NCOR1: variants seen among roughly 807,000 people sequenced by gnomAD.
NCOR1 encodes the protein nuclear receptor corepressor 1, also known as protein phosphatase 1, regulatory subunit 109.
NCOR1 carries 63 observed loss-of-function variants against 288.1 expected under a neutral mutation model. The observed-to-expected ratio is 0.22, with a 90% confidence interval of 0.18 to 0.27. The LOEUF (loss-of-function observed/expected upper bound fraction) is 0.27. Among genes scored for constraint, NCOR1 ranks in the 10% least tolerant of loss-of-function variants. The pLI, the probability that NCOR1 is intolerant of heterozygous loss-of-function variation, is 1.00. For synonymous variants in NCOR1, 1,007 were observed against 1,065.9 expected (o/e 0.94, Z 1.08); for missense variants, 2,397 against 3,019.2 (o/e 0.79, Z 4.83).
intron 3 of NCOR1, among the ~76,000 whole-genome samples, chr17:16,177,340 C>T (rs2084401356): frequency 6.6e-6 from 1 of 150,566 alleles, no homozygotes; most frequent in Admixed American, 6.6e-5. Flanking sequence ...ACGAGGCATG[C>T]TCTTTATGTT....
intron 4 of NCOR1, among the ~76,000 whole-genome samples, chr17:16,167,859 CAAAAAAAA>C (rs71299856): frequency 1.6e-5 from 1 of 62,642 alleles, no homozygotes; most frequent in Non-Finnish European, 2.9e-5. Context: ...GACTCCATCT[CAAAAAAAA>C]AAAAAAAAAA....
intron 42 of NCOR1, among the ~76,000 whole-genome samples, chr17:16,042,025 T>C (rs760461108): frequency 9.9e-4 from 151 of 152,270 alleles, no homozygotes; most frequent in Middle Eastern, 3.4e-3. Flanking sequence ...TGAGCCACCG[T>C]GCCCGGCCAG....
At chr17:16,181,211 A>ATGTATGTGTGTGTGTG (rs758395387) in intron 3 of NCOR1, among the ~76,000 whole-genome samples, 23 of 139,580 alleles carry the variant, frequency 1.6e-4, no homozygotes, top group East Asian at 9.0e-4. Flanking sequence ...ATATATATGT[A>ATGTATGTGTGTGTGTG]TGTGTGTGTG....
Position 16,080,732 on chromosome 17 carries a change from G to T in NCOR1, c.3178-5C>A. 5 of 1,568,902 alleles carry T rather than the reference G, an allele frequency of 3.2e-6. No individual in the cohort carries two copies. The highest frequency in any genetic ancestry group is 4.3e-6 in the Non-Finnish European group (5 of 1,161,304). On this transcript the variant is annotated splice_region_variant and splice_polypyrimidine_tract_variant and intron_variant, in intron 23 of 45. Coordinates refer to ENST00000268712, the MANE Select transcript of NCOR1 (RefSeq NM_006311.4). ...CAAATAAGTGCCTGGTGTTCCCTAAGAAAAAAACAAAAAAAAATTTAAAGA... is the reference window on the plus strand; with the variant it reads ...CAAATAAGTGCCTGGTGTTCCCTAATAAAAAAACAAAAAAAAATTTAAAGA...
intron 32 of NCOR1, among the ~76,000 whole-genome samples, chr17:16,066,824 C>T (rs1462994267): frequency 2.0e-5 from 3 of 152,102 alleles, no homozygotes; most frequent in Admixed American, 6.5e-5. Flanking sequence ...ATGTAAATAA[C>T]CCTTAGAATT....
At chr17:16,180,901 G>T (rs189131445) in intron 3 of NCOR1, among the ~76,000 whole-genome samples, 1 of 151,628 alleles carries the variant, frequency 6.6e-6, no homozygotes, top group East Asian at 2.0e-4. Context: ...GCTCACTCCT[G>T]TAATCCCAGC....
rs147823974 is a variant in NCOR1, at chr17:16,045,658, G to A, written c.6679+1293C>T. ...TGAGTAGCTGGGATTACAGGTGCAC[G>A]CCACCATGACCAGCTGTTTATATTT... On this transcript the variant is annotated intron_variant, in intron 42 of 45. Transcript: ENST00000268712. Among the ~76,000 whole-genome samples, 823 of 151,916 alleles carry A rather than the reference G, an allele frequency of 5.4e-3. 6 individuals carry two copies. The highest frequency in any genetic ancestry group is 0.019 in the African/African-American group (781 of 41,404).
At chr17:16,068,426 C>A (rs1318709723) in intron 31 of NCOR1, 2 of 286,526 alleles carry the variant, frequency 7.0e-6, no homozygotes, top group East Asian at 1.8e-4. Flanking sequence ...CATTATGAAT[C>A]ATTTTGTTTT....
chr17:16,029,627 A>G lies in NCOR1; in HGVS notation c.*2669T>C, dbSNP rs113694459. On this transcript the variant is annotated 3_prime_UTR_variant, in exon 46 of 46. Coordinates refer to ENST00000268712, the MANE Select transcript of NCOR1 (RefSeq NM_006311.4). Reference sequence around the variant, plus strand: ...TCAGAACACTGAAATCTAAGTCTACAAAGAATATCATGTTTTGGTTTGCAG... The same window carrying G: ...TCAGAACACTGAAATCTAAGTCTACGAAGAATATCATGTTTTGGTTTGCAG... 5 of 174,512 alleles carry G rather than the reference A, an allele frequency of 2.9e-5. No individual in the cohort carries two copies. The highest frequency in any genetic ancestry group is 1.2e-4 in the African/African-American group (5 of 41,696). The allele number at this position is 174,512 out of a possible 1,614,324, so 10.8% of individuals were successfully genotyped here.
chr17:16,140,387 G>C (rs2076979100), intron 11 of NCOR1, among the ~76,000 whole-genome samples: 2 of 152,214 alleles, frequency 1.3e-5, no homozygotes. Context: ...AAAATTGCTG[G>C]GCACAGTGGC....
At chr17:16,126,582 A>G (rs747216454) in intron 14 of NCOR1, among the ~76,000 whole-genome samples, 9 of 152,162 alleles carry the variant, frequency 5.9e-5, no homozygotes, top group South Asian at 2.1e-4. Flanking sequence ...TTAGATACTT[A>G]ATATGTTTCC....
chr17:16,196,862 A>C (rs2089937117), intron 1 of NCOR1, among the ~76,000 whole-genome samples: 1 of 151,154 alleles, frequency 6.6e-6, no homozygotes, highest in African/African-American at 2.4e-5. Flanking sequence ...AAAAAGAAAA[A>C]AATAATTAGT....
At chr17:16,048,694 G>C in intron 41 of NCOR1, 151 bp downstream of exon 41, 8 of 657,722 alleles carry the variant, frequency 1.2e-5, no homozygotes, top group Non-Finnish European at 1.8e-5. Flanking sequence ...ACTAGCATTA[G>C]ATGAGTAGGA....
At position 16,057,697 on chromosome 17, in the gene NCOR1, G is replaced by A. The variant is rs142717545; in HGVS notation, c.6209C>T (p.Ser2070Leu). The A allele has an allele frequency of 1.2e-5, 19 of 1,613,886 alleles. No individual in the cohort carries two copies. The African/African-American group carries it at 2.1e-4, about 18-fold the overall frequency. The change falls in exon 40 of 46, where the codon TCG (serine) becomes TTG (leucine). Residue 2070 changes from serine to leucine, a missense_variant. Ser to Leu is a moderately radical substitution (Grantham distance 145). Transcript: ENST00000268712. ...AGTAGGAGGCTGCTGGGGAGTCTGC[G>A]AGGAAACTTGATTTCTAGCAAAATC... Reference protein sequence around the residue: ...TQDFARNQVSSQTPQQPPTST... With the variant: ...TQDFARNQVSLQTPQQPPTST...
At chr17:16,184,767 T>C (rs1012743926) in intron 3 of NCOR1, among the ~76,000 whole-genome samples, 1 of 152,144 alleles carries the variant, frequency 6.6e-6, no homozygotes, top group Non-Finnish European at 1.5e-5. Flanking sequence ...TGCACTCCCA[T>C]GTTATTGCAG....
At chr17:16,127,058 T>C (rs1216008082) in intron 14 of NCOR1, among the ~76,000 whole-genome samples, 1 of 151,944 alleles carries the variant, frequency 6.6e-6, no homozygotes, top group South Asian at 2.1e-4. Context: ...TTACTGTTAA[T>C]TCCTTACTGT....
In NCOR1 at chr17:16,071,410, T is replaced by G. The variant is rs2061750753; in HGVS notation, c.4151A>C (p.Gln1384Pro). The G allele has an allele frequency of 5.0e-6, 8 of 1,606,962 alleles. No individual in the cohort carries two copies. Among genetic ancestry groups the G allele is most frequent in the Non-Finnish European group, 6.8e-6 (8 of 1,176,504 alleles). Residue 1384 changes from glutamine to proline, a missense_variant and splice_region_variant, in exon 30 of 46, where the codon CAG becomes CCG. By Grantham distance (76) the Gln-to-Pro change is moderately conservative. Around this residue, in one of 11 missense-constraint regions of NCOR1, gnomAD observed 1,872 missense variants for 2,187.8 expected, o/e 0.86. Coordinates refer to ENST00000268712, the MANE Select transcript of NCOR1 (RefSeq NM_006311.4). ...TRPIIEGSISQGTPIKFDNNS... is the reference protein window; with the variant it reads ...TRPIIEGSISPGTPIKFDNNS... ...CAAAAAGAGCCAAAACTTAGTTACCTGGGAAATGGAACCCTCAATTATCGG... is the reference window on the plus strand; with the variant it reads ...CAAAAAGAGCCAAAACTTAGTTACCGGGGAAATGGAACCCTCAATTATCGG...
At chr17:16,145,435 C>A (rs2077767407) in intron 10 of NCOR1, among the ~76,000 whole-genome samples, 1 of 125,478 alleles carries the variant, frequency 8.0e-6, no homozygotes, top group Non-Finnish European at 2.0e-5. Context: ...CCCGGCCGCC[C>A]ATCGTCTGGG....
intron 16 of NCOR1, among the ~76,000 whole-genome samples, chr17:16,120,152 C>T (rs1408063148): frequency 6.6e-6 from 1 of 152,142 alleles, no homozygotes; most frequent in East Asian, 1.9e-4. Flanking sequence ...CCATTTACCA[C>T]TCACATCCAA....
Sources: gnomAD v4.1 joint callset for allele counts (sites outside exome capture counted in the v4.1 genomes callset) on GRCh38, gnomAD v4.1.1 for gene constraint, gnomAD v4.1.1 regional missense constraint, MANE v1.5 for transcripts, NCBI Gene and HGNC (gene_info 2026-07-23, HGNC 2026-07-21) for gene names.